SLC75A1: variants seen among roughly 807,000 people sequenced by gnomAD.
The protein encoded by SLC75A1 is major facilitator superfamily domain containing 10.
At chr4:2,932,651 G>A in the SLC75A1 span, 11 of 1,612,752 alleles carry the variant, frequency 6.8e-6, no homozygotes, top group Non-Finnish European at 9.3e-6. Context: ...CGATGGCCGT[G>A]GAGAGGCTGA....
chr4:2,931,219 G>C, the SLC75A1 span: 3 of 1,563,202 alleles, frequency 1.9e-6, no homozygotes, highest in Admixed American at 1.9e-5. Context: ...CGAGGGAAGG[G>C]GGCTCACCAT....
the SLC75A1 span, chr4:2,933,946 T>TGGGTG: frequency 6.5e-7 from 1 of 1,546,310 alleles, no homozygotes; most frequent in Non-Finnish European, 8.7e-7. Flanking sequence ...TGACCTGGCC[T>TGGGTG]GGGTGGGGTG....
chr4:2,933,695 G>A, the SLC75A1 span: 1 of 1,612,112 alleles, frequency 6.2e-7, no homozygotes, highest in Non-Finnish European at 8.5e-7. Context: ...TAAGGGCTGG[G>A]GAGGTCTGAT....
the SLC75A1 span, chr4:2,934,534 C>T: frequency 1.1e-5 from 1 of 91,944 alleles, no homozygotes; most frequent in Non-Finnish European, 2.3e-5. Flanking sequence ...CCCCACCCTG[C>T]GCGCCCTCTA....
At chr4:2,931,691 AC>A in the SLC75A1 span, 1 of 1,597,930 alleles carries the variant, frequency 6.3e-7, no homozygotes, top group Non-Finnish European at 8.5e-7. Flanking sequence ...AGTGCAGGGC[AC>A]CCGGGGCAGG....
the SLC75A1 span, chr4:2,930,568 AAAAC>A: frequency 3.7e-6 from 2 of 537,804 alleles, no homozygotes; most frequent in East Asian, 6.6e-5. Flanking sequence ...CACTTGGTAT[AAAAC>A]AAACAGGTGC....
chr4:2,931,889 A>G, the SLC75A1 span: 1 of 1,611,510 alleles, frequency 6.2e-7, no homozygotes, highest in Non-Finnish European at 8.5e-7. Flanking sequence ...GAGAACAGGA[A>G]GAGGTAGAGG....
At chr4:2,930,619 AAAAC>A in the SLC75A1 span, 1 of 593,376 alleles carries the variant, frequency 1.7e-6, no homozygotes, top group Non-Finnish European at 3.0e-6. Flanking sequence ...CATAGTTTAA[AAAAC>A]AAACAGAAGC....
At chr4:2,932,571 G>C in the SLC75A1 span, 3 of 1,612,310 alleles carry the variant, frequency 1.9e-6, no homozygotes, top group Non-Finnish European at 2.5e-6. Flanking sequence ...TCACCACCAG[G>C]ACCCCAAAGG....
At chr4:2,934,307 A>C in the SLC75A1 span, 1 of 252,380 alleles carries the variant, frequency 4.0e-6, no homozygotes, top group East Asian at 9.8e-5. Context: ...CCCGATCCCG[A>C]TCCCAACCCC....
the SLC75A1 span, chr4:2,934,245 T>G: frequency 3.0e-6 from 1 of 330,302 alleles, no homozygotes; most frequent in Non-Finnish European, 5.6e-6. Flanking sequence ...CACGCCCTCG[T>G]AACAGCGAGA....
chr4:2,930,753 G>T, the SLC75A1 span: 21 of 1,447,380 alleles, frequency 1.5e-5, no homozygotes, highest in African/African-American at 2.8e-5. Context: ...CTGGACTGGC[G>T]GGGGGTGGGG....
the SLC75A1 span, chr4:2,933,774 C>T: frequency 1.9e-6 from 3 of 1,597,000 alleles, no homozygotes; most frequent in East Asian, 4.5e-5. Context: ...CGTGGCTCTC[C>T]AACAGCCCGG....
the SLC75A1 span, chr4:2,934,130 G>C: frequency 3.3e-6 from 2 of 615,230 alleles, no homozygotes; most frequent in South Asian, 4.0e-5. Context: ...AGGAAACGCA[G>C]GCTTCGGGGA....
the SLC75A1 span, chr4:2,933,058 C>G: frequency 8.9e-6 from 14 of 1,567,302 alleles, no homozygotes; most frequent in Non-Finnish European, 1.2e-5. Flanking sequence ...GGGCTACTGG[C>G]TGGGTGGGAG....
At chr4:2,932,982 C>T in the SLC75A1 span, 10 of 1,056,424 alleles carry the variant, frequency 9.5e-6, no homozygotes, top group African/African-American at 1.6e-5. Flanking sequence ...CTCCAGGATG[C>T]GATGAGGGCC....
the SLC75A1 span, chr4:2,931,993 G>A: frequency 3.0e-4 from 478 of 1,602,284 alleles, 2 homozygotes; most frequent in African/African-American, 4.4e-3. Context: ...GGCGCCGCCC[G>A]GGGAAGCCCA....
At chr4:2,932,024 T>C in the SLC75A1 span, 1 of 1,609,262 alleles carries the variant, frequency 6.2e-7, no homozygotes. Flanking sequence ...GGCTCCACGC[T>C]TGGGTTGGTC....
the SLC75A1 span, chr4:2,931,416 G>C: frequency 6.4e-7 from 1 of 1,553,400 alleles, no homozygotes; most frequent in Non-Finnish European, 8.7e-7. Context: ...CACGGGCAGA[G>C]AACGTCCCCA....
Sources: gnomAD v4.1 joint callset for allele counts on GRCh38, gnomAD v4.1.1 for gene constraint, MANE v1.5 for transcripts, NCBI Gene and HGNC (gene_info 2026-07-23, HGNC 2026-07-21) for gene names.